DOCK3: variants seen among roughly 807,000 people sequenced by gnomAD.
The protein encoded by DOCK3 is dedicator of cytokinesis 3, also known as dedicator of cytokinesis protein 3.
DOCK3 carries 60 observed loss-of-function variants against 265.6 expected under a neutral mutation model. That is an observed-to-expected ratio of 0.23 (90% CI 0.18 to 0.28). The LOEUF is 0.28. Ranked by LOEUF, DOCK3 falls within the 10% of genes least tolerant of loss-of-function variation. The pLI, the probability that DOCK3 is intolerant of heterozygous loss-of-function variation, is 1.00. For synonymous variants in DOCK3, 881 were observed against 938.0 expected, an observed-to-expected ratio of 0.94 and a Z score of 1.11; for missense variants, 1,981 against 2,594.3, an observed-to-expected ratio of 0.76 and a Z score of 5.14.
chr3:51,319,818 T>C (rs2083580733), intron 32 of DOCK3, among the ~76,000 whole-genome samples: 1 of 151,764 alleles, frequency 6.6e-6, no homozygotes, highest in Non-Finnish European at 1.5e-5. Context: ...TGAGCTGAGA[T>C]TGCACCACTG....
chr3:50,905,546 T>C (rs951984438), intron 4 of DOCK3, among the ~76,000 whole-genome samples: 1 of 152,260 alleles, frequency 6.6e-6, no homozygotes, highest in East Asian at 1.9e-4. Context: ...AGTTCACTCA[T>C]GATTTGGCTC....
chr3:51,168,163 A>G (rs891130643), intron 12 of DOCK3, among the ~76,000 whole-genome samples: 6 of 152,222 alleles, frequency 3.9e-5, no homozygotes, highest in Admixed American at 2.0e-4. Flanking sequence ...CACTTTTTCT[A>G]CATCTGTTGA....
chr3:51,015,033 T>C (rs1408845930), intron 5 of DOCK3, among the ~76,000 whole-genome samples: 1 of 152,148 alleles, frequency 6.6e-6, no homozygotes, highest in Non-Finnish European at 1.5e-5. Context: ...ATAGTTGTTT[T>C]GTGGAGTTTT....
intron 1 of DOCK3, among the ~76,000 whole-genome samples, chr3:50,759,498 G>A (rs1559602424): frequency 6.6e-6 from 1 of 151,926 alleles, no homozygotes; most frequent in Admixed American, 6.6e-5. Flanking sequence ...GAGCATCTGT[G>A]TATCTTCTTT....
At chr3:51,005,127 TAAA>T (rs1296010611) in intron 5 of DOCK3, among the ~76,000 whole-genome samples, 1 of 152,010 alleles carries the variant, frequency 6.6e-6, no homozygotes, top group Non-Finnish European at 1.5e-5. Context: ...GAAGTAAAGA[TAAA>T]AAAGGAAATT....
At chr3:51,199,864 T>C (rs1318876075) in intron 12 of DOCK3, among the ~76,000 whole-genome samples, 1 of 152,174 alleles carries the variant, frequency 6.6e-6, no homozygotes, top group Non-Finnish European at 1.5e-5. Context: ...GACAGCAGCA[T>C]TCGCGGTTCA....
intron 24 of DOCK3, among the ~76,000 whole-genome samples, chr3:51,272,529 C>A (rs1473444316): frequency 6.6e-6 from 1 of 150,984 alleles, no homozygotes. Flanking sequence ...CCTCATGATC[C>A]ACCCGCCTCA....
At chr3:51,214,307 C>G in intron 14 of DOCK3, 60 bp downstream of exon 14, 2 of 1,595,060 alleles carry the variant, frequency 1.3e-6, no homozygotes, top group South Asian at 1.1e-5. Flanking sequence ...CTGGTGCTCC[C>G]CTCCTGAGCA....
chr3:50,786,569 C>A, intron 2 of DOCK3: 1 of 499,490 alleles, frequency 2.0e-6, no homozygotes. Flanking sequence ...GTTAATGATG[C>A]TGTGCTGAAC....
Position 51,309,450 on chromosome 3 carries a change from G to A in DOCK3, c.2923-782G>A, listed in dbSNP as rs1278005185. Reference sequence around the variant, plus strand: ...AATACGAAAACCAGTCAGGCGTGGCGGCGCGCGCCTGCAATCGCAGGCACT... The same window carrying A: ...AATACGAAAACCAGTCAGGCGTGGCAGCGCGCGCCTGCAATCGCAGGCACT... On this transcript the variant is annotated intron_variant, in intron 27 of 52. Transcript: ENST00000266037. Among the ~76,000 whole-genome samples the A allele has an allele frequency of 1.4e-4, 21 of 152,322 alleles. 2 individuals carry two copies. Among genetic ancestry groups the A allele is most frequent in the Middle Eastern group, 3.4e-3 (1 of 294 alleles).
At chr3:51,189,783 G>A (rs1165682320) in intron 12 of DOCK3, among the ~76,000 whole-genome samples, 1 of 152,086 alleles carries the variant, frequency 6.6e-6, no homozygotes, top group Admixed American at 6.5e-5. Flanking sequence ...ACCCAGTTGT[G>A]GAATTTTTTG....
At chr3:51,307,231 T>C (rs1647893856) in intron 27 of DOCK3, among the ~76,000 whole-genome samples, 1 of 152,154 alleles carries the variant, frequency 6.6e-6, no homozygotes, top group African/African-American at 2.4e-5. Context: ...TCCTCCCACT[T>C]CAACCTGCTG....
chr3:50,787,509 T>G, intron 2 of DOCK3: 1 of 529,846 alleles, frequency 1.9e-6, no homozygotes. Context: ...CACTCCAGCC[T>G]GGGCAACAAG....
intron 7 of DOCK3, among the ~76,000 whole-genome samples, chr3:51,087,564 A>G (rs2082473721): frequency 1.3e-5 from 2 of 152,210 alleles, no homozygotes; most frequent in Non-Finnish European, 2.9e-5. Context: ...TTCCTCTAAG[A>G]CTGGAACAAG....
intron 9 of DOCK3, among the ~76,000 whole-genome samples, chr3:51,125,784 TGA>T (rs1233811488): frequency 6.6e-6 from 1 of 152,082 alleles, no homozygotes; most frequent in Non-Finnish European, 1.5e-5. Context: ...AGTAAAGGAA[TGA>T]AGTTAAAAAG....
chr3:50,936,059 C>G (rs1363383273), intron 5 of DOCK3, among the ~76,000 whole-genome samples: 3 of 152,026 alleles, frequency 2.0e-5, no homozygotes, highest in Admixed American at 6.6e-5. Context: ...ATTACAAACA[C>G]TCTTGAAACA....
chr3:50,975,979 G>A (rs1355043860), intron 5 of DOCK3, among the ~76,000 whole-genome samples: 4 of 150,122 alleles, frequency 2.7e-5, no homozygotes, highest in Non-Finnish European at 4.4e-5. Context: ...CTGTGGGATC[G>A]GTGGTGATAT....
chr3:51,268,947 G>A (rs1400607091), intron 23 of DOCK3, among the ~76,000 whole-genome samples: 6 of 151,896 alleles, frequency 4.0e-5, no homozygotes, highest in African/African-American at 1.5e-4. Context: ...ATGCTTTCTG[G>A]GAACTTTGTA....
chr3:50,908,874 T>A (rs2049694913), intron 4 of DOCK3, among the ~76,000 whole-genome samples: 1 of 152,130 alleles, frequency 6.6e-6, no homozygotes, highest in Non-Finnish European at 1.5e-5. Flanking sequence ...CTCTAAGAGC[T>A]TGCTTTATGA....
Sources: allele counts gnomAD v4.1 joint callset (sites outside exome capture counted in the v4.1 genomes callset), GRCh38; gene constraint gnomAD v4.1.1; transcripts MANE v1.5; gene names NCBI Gene and HGNC (gene_info 2026-07-23, HGNC 2026-07-21).